Variants in SORCS1 observed in about 807,000 individuals in gnomAD.
The protein encoded by SORCS1 is VPS10 domain-containing receptor SorCS1.
SORCS1 carries 60 observed loss-of-function variants against 146.1 expected under a neutral mutation model. That is an observed-to-expected ratio of 0.41 (90% CI 0.33 to 0.51). The LOEUF is 0.51. Among genes scored for constraint, SORCS1 ranks in the 20% least tolerant of loss-of-function variants. SORCS1 has a pLI of 0.21. For missense variants in SORCS1, 1,352 were observed against 1,487.6 expected (o/e 0.91, Z 1.50); for synonymous variants, 637 against 584.0 (o/e 1.09, Z -1.31).
intron 1 of SORCS1, among the ~76,000 whole-genome samples, chr10:107,093,244 G>A (rs187688569): frequency 2.6e-5 from 4 of 152,252 alleles, no homozygotes; most frequent in South Asian, 2.1e-4. Flanking sequence ...TCGATTGACC[G>A]ACAGTGCTGC....
intron 16 of SORCS1, among the ~76,000 whole-genome samples, chr10:106,669,572 T>C: frequency 6.6e-6 from 1 of 152,198 alleles, no homozygotes; most frequent in East Asian, 1.9e-4. Context: ...GTTTTCCCTG[T>C]GAATGCATTT....
chr10:107,029,682 G>C (rs1287674085), intron 1 of SORCS1, among the ~76,000 whole-genome samples: 1 of 152,132 alleles, frequency 6.6e-6, no homozygotes, highest in African/African-American at 2.4e-5. Flanking sequence ...AAATAAATTA[G>C]GCCATTGATA....
chr10:107,097,594 CCT>C (rs1289578746), intron 1 of SORCS1, among the ~76,000 whole-genome samples: 3 of 152,162 alleles, frequency 2.0e-5, no homozygotes, highest in Admixed American at 2.0e-4. Context: ...CTAGCCCCAG[CCT>C]CTCTGCCAGG....
At chr10:107,177,845 T>C in the SORCS1 span, among the ~76,000 whole-genome samples, 1 of 152,194 alleles carries the variant, frequency 6.6e-6, no homozygotes, top group Non-Finnish European at 1.5e-5. Flanking sequence ...AATCATTTCT[T>C]TGCAGGGACA....
At chr10:107,108,573 C>T (rs1023561360) in intron 1 of SORCS1, among the ~76,000 whole-genome samples, 9 of 152,290 alleles carry the variant, frequency 5.9e-5, no homozygotes, top group Admixed American at 5.9e-4. Context: ...CACCAGGCCC[C>T]ACCTCAAACA....
intron 17 of SORCS1, chr10:106,667,124 A>C (rs1043171582): frequency 2.0e-5 from 3 of 152,366 alleles, no homozygotes; most frequent in African/African-American, 7.2e-5. Flanking sequence ...ATAATATTGC[A>C]TAAGCCCCAT....
chr10:106,779,388 T>G (rs1359778711), intron 3 of SORCS1, among the ~76,000 whole-genome samples: 3 of 152,194 alleles, frequency 2.0e-5, no homozygotes, highest in African/African-American at 7.2e-5. Flanking sequence ...AGACCTCTGG[T>G]AGAATTCAAA....
chr10:106,898,811 A>G (rs181988673), intron 2 of SORCS1, among the ~76,000 whole-genome samples: 205 of 152,254 alleles, frequency 1.3e-3, no homozygotes, highest in Middle Eastern at 3.4e-3. Flanking sequence ...ATTCCAAGCC[A>G]TTCATTGTTG....
At position 106,845,433 on chromosome 10, in the gene SORCS1, GT is replaced by G. The variant is rs1281917803; in HGVS notation, c.627-15761del. On this transcript the variant is annotated intron_variant, in intron 2 of 25. Transcript: ENST00000263054. ...CGCCCACTTTTTGATGGGGTTGTTT[GT>G]TTTTTTCTTGTAAATTTGTTTGAGT... 3.8e-3 allele frequency among the ~76,000 whole-genome samples: 247 copies of G among 64,856 alleles called. 4 individuals are homozygous for G. Among genetic ancestry groups the G allele is most frequent in the African/African-American group, 0.014 (245 of 17,986 alleles). 42.5% of individuals were successfully genotyped at this position (64,856 alleles called of 152,430 possible).
At chr10:106,950,272 A>C (rs1253448361) in intron 2 of SORCS1, among the ~76,000 whole-genome samples, 4 of 152,244 alleles carry the variant, frequency 2.6e-5, no homozygotes, top group African/African-American at 9.6e-5. Context: ...AATTTGGTAC[A>C]GTGACATCTC....
At chr10:106,836,474 CAAAAAAAAAA>C (rs68181690) in intron 2 of SORCS1, among the ~76,000 whole-genome samples, 1 of 77,810 alleles carries the variant, frequency 1.3e-5, no homozygotes, top group Admixed American at 1.5e-4. Flanking sequence ...GACTCGGTCT[CAAAAAAAAAA>C]AAAAAAAAAA....
chr10:106,973,586 T>C (rs1589826884), intron 1 of SORCS1, among the ~76,000 whole-genome samples: 2 of 152,286 alleles, frequency 1.3e-5, no homozygotes, highest in African/African-American at 2.4e-5. Flanking sequence ...GAGACAAGCA[T>C]GTCTGCTAGA....
intron 22 of SORCS1, among the ~76,000 whole-genome samples, chr10:106,607,730 C>T (rs566470443): frequency 6.6e-6 from 1 of 152,258 alleles, no homozygotes; most frequent in African/African-American, 2.4e-5. Context: ...AGTGAGAAGA[C>T]CTTCACTTTA....
At chr10:106,821,540 T>A (rs1948023959) in intron 3 of SORCS1, among the ~76,000 whole-genome samples, 1 of 152,220 alleles carries the variant, frequency 6.6e-6, no homozygotes, top group African/African-American at 2.4e-5. Flanking sequence ...ATGCATTAGA[T>A]GCTTCTTATA....
At chr10:106,975,030 C>A (rs1387748484) in intron 1 of SORCS1, among the ~76,000 whole-genome samples, 1 of 152,206 alleles carries the variant, frequency 6.6e-6, no homozygotes, top group Admixed American at 6.5e-5. Flanking sequence ...ATAATTCCTA[C>A]CGCTTACAAC....
At chr10:106,724,098 T>C (rs953489616) in intron 6 of SORCS1, among the ~76,000 whole-genome samples, 1 of 152,212 alleles carries the variant, frequency 6.6e-6, no homozygotes, top group Non-Finnish European at 1.5e-5. Flanking sequence ...TGTATTATGA[T>C]ATAAAAATTT....
chr10:106,651,056 T>C (rs2135246505), intron 18 of SORCS1, among the ~76,000 whole-genome samples: 1 of 152,292 alleles, frequency 6.6e-6, no homozygotes, highest in African/African-American at 2.4e-5. Context: ...TGAAGAATTT[T>C]TGGGCATCTT....
At chr10:106,831,293 A>AATTC (rs1164925672) in intron 2 of SORCS1, among the ~76,000 whole-genome samples, 3 of 152,148 alleles carry the variant, frequency 2.0e-5, no homozygotes, top group East Asian at 1.9e-4. Flanking sequence ...TTGTTTGTAA[A>AATTC]ATTCATTCAT....
intron 1 of SORCS1, among the ~76,000 whole-genome samples, chr10:107,111,579 C>CA (rs2134457415): frequency 6.6e-6 from 1 of 151,720 alleles, no homozygotes; most frequent in Admixed American, 6.6e-5. Flanking sequence ...ACCTATGGGA[C>CA]AAAAATCAAT....
Sources: allele counts gnomAD v4.1 joint callset (sites outside exome capture counted in the v4.1 genomes callset), GRCh38; gene constraint gnomAD v4.1.1; transcripts MANE v1.5; gene names NCBI Gene and HGNC (gene_info 2026-07-23, HGNC 2026-07-21).